The following MICAL3 variants were observed in gnomAD, a reference collection of about 807,000 sequenced individuals.
MICAL3 encodes the protein microtubule associated monooxygenase, calponin and LIM domain containing 3.
In MICAL3, 62 loss-of-function variants were observed where a neutral mutation model predicts 207.4. The observed-to-expected ratio is 0.30, with a 90% CI of 0.24 to 0.37. The LOEUF (loss-of-function observed/expected upper bound fraction) is 0.37, where lower values mean the gene tolerates loss of function less well. Ranked by LOEUF, MICAL3 falls within the 10% of genes least tolerant of loss-of-function variation. The probability of loss-of-function intolerance (pLI) is 1.00; values close to 1 mark genes in which losing one functional copy is unlikely to be tolerated. For missense variants in MICAL3, 2,368 were observed against 2,635.6 expected, an observed-to-expected ratio of 0.90 and a Z score of 2.22; for synonymous variants, 1,077 against 1,069.3, an observed-to-expected ratio of 1.01 and a Z score of -0.14.
At chr22:17,901,745 T>C (rs762320177) in intron 5 of MICAL3, 133 bp downstream of exon 5, 1 of 536,200 alleles carries the variant, frequency 1.9e-6, no homozygotes, top group Non-Finnish European at 3.2e-6. Flanking sequence ...GGCCTGCCAT[T>C]CCATCAGGGC....
intron 19 of MICAL3, among the ~76,000 whole-genome samples, chr22:17,843,076 G>T (rs1372440196): frequency 7.4e-6 from 1 of 134,338 alleles, no homozygotes; most frequent in Admixed American, 8.0e-5. Context: ...AACCGAGATT[G>T]CGCCACTGCA....
chr22:17,864,644 G>C, intron 19 of MICAL3: 1 of 1,590,866 alleles, frequency 6.3e-7, no homozygotes, highest in Non-Finnish European at 8.5e-7. Context: ...CCGCCCACCG[G>C]ACGGCCCCAT....
intron 1 of MICAL3, among the ~76,000 whole-genome samples, chr22:17,963,485 G>A (rs1935009542): frequency 6.6e-6 from 1 of 152,082 alleles, no homozygotes; most frequent in African/African-American, 2.4e-5. Flanking sequence ...CACTGACGCA[G>A]GAGAGCTGTG....
intron 1 of MICAL3, among the ~76,000 whole-genome samples, chr22:18,015,272 C>G (rs1358917508): frequency 6.6e-6 from 1 of 152,104 alleles, no homozygotes; most frequent in African/African-American, 2.4e-5. Flanking sequence ...AAACATTCTA[C>G]TTTGTAATAT....
At chr22:17,835,200 G>C (rs1923237775) in intron 20 of MICAL3, among the ~76,000 whole-genome samples, 1 of 131,704 alleles carries the variant, frequency 7.6e-6, no homozygotes, top group Non-Finnish European at 1.8e-5. Context: ...GAAGACAGCA[G>C]AAAGCAACCC....
intron 16 of MICAL3, chr22:17,879,243 G>T: frequency 1.0e-6 from 1 of 958,644 alleles, no homozygotes; most frequent in South Asian, 1.9e-5. Flanking sequence ...AAAAGCAAGG[G>T]GAGGGGGCCG....
In MICAL3 at chr22:17,870,126, C is replaced by A. The variant is rs575321366; in HGVS notation, c.2428+1711G>T. 2.1e-3 allele frequency among the ~76,000 whole-genome samples: 326 copies of A among 152,280 alleles called. 1 individual carries two copies. Among genetic ancestry groups the A allele is most frequent in the Admixed American group, 5.8e-3 (88 of 15,304 alleles). ...TTTATCTGGGTTAAAATTTGGGGAG[C>A]TGGTTTAGAACGGCTGTCTTCTCTG... On this transcript the variant is annotated intron_variant, in intron 17 of 31. Transcript: ENST00000441493.
rs777206696 is a variant in MICAL3, at chr22:17,810,689, C to G, written c.5556+14G>C. 1.6e-5 allele frequency: 26 copies of G among 1,607,562 alleles called. No individual in the cohort carries two copies. The South Asian group carries it at 2.5e-4, about 16-fold the overall frequency. On this transcript the variant is annotated intron_variant, in intron 28 of 31. Coordinates refer to ENST00000441493, the MANE Select transcript of MICAL3 (RefSeq NM_015241.3). Reference sequence around the variant, plus strand: ...CCCATGCATGTGCCCTGGTCCCATCCTCCATGGTTTTACCTGGGCTCGATG... The same window carrying G: ...CCCATGCATGTGCCCTGGTCCCATCGTCCATGGTTTTACCTGGGCTCGATG...
rs1929036243 is a variant in MICAL3 at position 17,877,931 on chromosome 22, C to T, written c.2242-5908G>A. Among the ~76,000 whole-genome samples the T allele has an allele frequency of 1.3e-5, 2 of 152,100 alleles. 1 individual carries two copies. Among genetic ancestry groups the T allele is most frequent in the South Asian group, 4.1e-4 (2 of 4,826 alleles). On this transcript the variant is annotated intron_variant, in intron 16 of 31. Transcript: ENST00000441493. The stretch of plus-strand genomic sequence containing the variant: ...GCAGTGGCGCGATCTTGGCTCACTG[C>T]AAGCTCTGCCTCCTGGGTTGATGCC...
At chr22:17,844,021 G>C (rs1924366732) in intron 19 of MICAL3, among the ~76,000 whole-genome samples, 1 of 152,178 alleles carries the variant, frequency 6.6e-6, no homozygotes, top group Non-Finnish European at 1.5e-5. Flanking sequence ...TAGTTTTTTT[G>C]TATTTTTAGT....
chr22:17,856,166 T>A (rs982139131), intron 19 of MICAL3, among the ~76,000 whole-genome samples: 1 of 152,128 alleles, frequency 6.6e-6, no homozygotes, highest in African/African-American at 2.4e-5. Context: ...CTTCTGTGAG[T>A]GAGTATGGCA....
intron 11 of MICAL3, among the ~76,000 whole-genome samples, chr22:17,892,869 G>C (rs1212860430): frequency 6.6e-6 from 1 of 152,096 alleles, no homozygotes; most frequent in East Asian, 1.9e-4. Flanking sequence ...CGCTGATGTA[G>C]CACCATCTAC....
chr22:18,015,260 A>G (rs950956681), intron 1 of MICAL3, among the ~76,000 whole-genome samples: 5 of 152,166 alleles, frequency 3.3e-5, no homozygotes, highest in Non-Finnish European at 5.9e-5. Flanking sequence ...GGGGCTAATA[A>G]AAAACATTCT....
chr22:17,882,904 G>A (rs561231069), intron 16 of MICAL3, among the ~76,000 whole-genome samples: 72 of 152,112 alleles, frequency 4.7e-4, no homozygotes, highest in Non-Finnish European at 8.2e-4. Context: ...ACCGACTCAG[G>A]TGACAAGCTG....
intron 23 of MICAL3, 106 bp from the exon 24 acceptor site, chr22:17,822,276 A>G: frequency 1.4e-6 from 2 of 1,384,496 alleles, no homozygotes; most frequent in Non-Finnish European, 1.9e-6. Flanking sequence ...ACAGCTGCTC[A>G]GGTGCAGGCC....
At chr22:17,871,630 A>G (rs765256822) in intron 17 of MICAL3, among the ~76,000 whole-genome samples, 1 of 152,238 alleles carries the variant, frequency 6.6e-6, no homozygotes, top group Non-Finnish European at 1.5e-5. Context: ...TGCCATTCTC[A>G]TCAGCCTGGT....
intron 27 of MICAL3, 165 bp from the exon 28 acceptor site, chr22:17,810,978 G>T (rs564617600): frequency 3.2e-5 from 19 of 591,286 alleles, no homozygotes; most frequent in South Asian, 3.1e-4. Context: ...TAGCAGGACG[G>T]GGGTGCTGAT....
intron 16 of MICAL3, among the ~76,000 whole-genome samples, chr22:17,878,967 C>A (rs189339338): frequency 6.6e-6 from 1 of 152,236 alleles, no homozygotes; most frequent in Admixed American, 6.5e-5. Flanking sequence ...TGATTTAGAC[C>A]CTCTCCCTAA....
At chr22:17,963,648 A>G (rs1337645346) in intron 1 of MICAL3, among the ~76,000 whole-genome samples, 1 of 152,098 alleles carries the variant, frequency 6.6e-6, no homozygotes, top group African/African-American at 2.4e-5. Flanking sequence ...GCACCCCATC[A>G]ACGTGCTCCA....
Sources: gnomAD v4.1 joint callset for allele counts (sites outside exome capture counted in the v4.1 genomes callset) on GRCh38, gnomAD v4.1.1 for gene constraint, MANE v1.5 for transcripts, NCBI Gene and HGNC (gene_info 2026-07-23, HGNC 2026-07-21) for gene names.